GARRE1: variants seen among roughly 807,000 people sequenced by gnomAD.
GARRE1 encodes granule associated Rac and RHOG effector protein 1.
Under a neutral mutation model 103.2 loss-of-function variants are expected in GARRE1, and 49 were observed. That is an observed-to-expected ratio of 0.47 (90% CI 0.38 to 0.60). GARRE1 has a LOEUF of 0.60. GARRE1 is among the 20% of genes least tolerant of loss of function. The probability of loss-of-function intolerance (pLI) is 0.00; values close to 1 mark genes in which losing one functional copy is unlikely to be tolerated. For synonymous variants in GARRE1, 505 were observed against 532.8 expected, an observed-to-expected ratio of 0.95 and a Z score of 0.72; for missense variants, 1,199 against 1,370.5, an observed-to-expected ratio of 0.87 and a Z score of 1.98.
At chr19:34,344,340 C>T (rs1309254484) in intron 10 of GARRE1, among the ~76,000 whole-genome samples, 7 of 152,250 alleles carry the variant, frequency 4.6e-5, no homozygotes, top group East Asian at 1.9e-4. Context: ...CCTGTAATCC[C>T]AGCACTTTGG....
At chr19:34,338,353 TAGCG>T (rs976462742) in intron 8 of GARRE1, among the ~76,000 whole-genome samples, 4 of 152,052 alleles carry the variant, frequency 2.6e-5, no homozygotes, top group Non-Finnish European at 5.9e-5. Context: ...CTGGGCAACA[TAGCG>T]AGACCCCATC....
At chr19:34,321,492 T>C (rs2074088665) in intron 3 of GARRE1, among the ~76,000 whole-genome samples, 2 of 151,816 alleles carry the variant, frequency 1.3e-5, no homozygotes, top group South Asian at 4.2e-4. Context: ...TCTCACTCTG[T>C]CGCCCAGGCT....
intron 1 of GARRE1, among the ~76,000 whole-genome samples, chr19:34,286,963 T>G (rs2073890655): frequency 1.3e-5 from 2 of 151,806 alleles, no homozygotes; most frequent in Admixed American, 1.3e-4. Context: ...CTGGGGAACT[T>G]GTTAAAAAAG....
At chr19:34,256,751 T>C (rs1369931184) in intron 1 of GARRE1, among the ~76,000 whole-genome samples, 3 of 152,192 alleles carry the variant, frequency 2.0e-5, no homozygotes, top group African/African-American at 7.2e-5. Flanking sequence ...CATATTTACA[T>C]TTTGTGTGTG....
intron 10 of GARRE1, 121 bp downstream of exon 10, chr19:34,342,576 G>A (rs1420181245): frequency 5.5e-6 from 5 of 910,288 alleles, no homozygotes; most frequent in Admixed American, 5.2e-5. Context: ...CCCCCTTTAC[G>A]ACCCTTTCTC....
chr19:34,255,865 A>G (rs1429092825), intron 1 of GARRE1, among the ~76,000 whole-genome samples: 1 of 151,382 alleles, frequency 6.6e-6, no homozygotes, highest in Non-Finnish European at 1.5e-5. Flanking sequence ...TTTTTTTGAG[A>G]CAGTCTCCCT....
intron 1 of GARRE1, among the ~76,000 whole-genome samples, chr19:34,260,907 G>A (rs118043513): frequency 0.015 from 2,232 of 152,298 alleles, 25 homozygotes; most frequent in South Asian, 0.026. Flanking sequence ...GTGTTTCTGG[G>A]AGAGGATTGG....
intron 2 of GARRE1, among the ~76,000 whole-genome samples, chr19:34,311,336 G>T (rs1459923406): frequency 6.6e-6 from 1 of 152,182 alleles, no homozygotes; most frequent in Non-Finnish European, 1.5e-5. Flanking sequence ...GGTGTAACTA[G>T]AAGTACTGCA....
chr19:34,341,262 C>T, intron 9 of GARRE1, 160 bp from the exon 10 acceptor site: 1 of 631,158 alleles, frequency 1.6e-6, no homozygotes, highest in South Asian at 2.2e-5. Flanking sequence ...TTCATACTCT[C>T]CAAACCCCTG....
intron 2 of GARRE1, among the ~76,000 whole-genome samples, chr19:34,307,136 G>T (rs1309343170): frequency 6.6e-6 from 1 of 152,152 alleles, no homozygotes; most frequent in Non-Finnish European, 1.5e-5. Context: ...AGAAGCAGGG[G>T]TGAGGTCAGA....
intron 2 of GARRE1, among the ~76,000 whole-genome samples, chr19:34,305,776 T>C (rs916750470): frequency 5.9e-5 from 9 of 152,198 alleles, no homozygotes; most frequent in East Asian, 1.9e-4. Flanking sequence ...GAAATACTTA[T>C]TGTTGTAGTT....
chr19:34,283,833 T>TC (rs1392814585), intron 1 of GARRE1, among the ~76,000 whole-genome samples: 24 of 145,014 alleles, frequency 1.7e-4, no homozygotes, highest in Admixed American at 2.7e-4. Context: ...TTTCTTTCTT[T>TC]TTTTTTTTTT....
At position 34,263,265 on chromosome 19, in the gene GARRE1, GAGATAGAT is replaced by G. The variant is rs147778168; in HGVS notation, c.-796+8681_-796+8688del. ...AATAATGTCTCCCTCTCTCGATAGA[GAGATAGAT>G]AGATAGATAGATAGATAGATAGATA... On this transcript the variant is annotated intron_variant, in intron 1 of 13. Coordinates refer to ENST00000299505, the MANE Select transcript of GARRE1 (RefSeq NM_014686.5). Among the ~76,000 whole-genome samples, 899 of 149,606 alleles carry G rather than the reference GAGATAGAT, an allele frequency of 6.0e-3. 5 individuals carry two copies. Among genetic ancestry groups the G allele is most frequent in the South Asian group, 0.021 (98 of 4,740 alleles).
At chr19:34,283,830 CTTTTTTT>C (rs11335136) in intron 1 of GARRE1, among the ~76,000 whole-genome samples, 3 of 117,258 alleles carry the variant, frequency 2.6e-5, no homozygotes, top group African/African-American at 7.2e-5. Context: ...TTCTTTCTTT[CTTTTTTT>C]TTTTTTTTTT....
chr19:34,327,912 C>T (rs952847606), intron 5 of GARRE1, 46 bp downstream of exon 5: 7 of 1,612,980 alleles, frequency 4.3e-6, no homozygotes, highest in East Asian at 2.2e-5. Flanking sequence ...GGCGCTGCTC[C>T]TGCAGTCTAG....
At chr19:34,351,635 CACAGCTGCAGTTTTCA>C (rs1410048821) in intron 13 of GARRE1, 43 bp downstream of exon 13, 1 of 1,414,858 alleles carries the variant, frequency 7.1e-7, no homozygotes, top group Non-Finnish European at 1.0e-6. Context: ...GGCTAGCTTC[CACAGCTGCAGTTTTCA>C]GAGGGCCTCA....
intron 2 of GARRE1, among the ~76,000 whole-genome samples, chr19:34,309,215 C>A (rs530828064): frequency 8.9e-4 from 136 of 152,176 alleles, no homozygotes; most frequent in African/African-American, 2.6e-3. Flanking sequence ...GTGGCATATC[C>A]TGTAATAAGT....
At chr19:34,272,013 A>T (rs1225088677) in intron 1 of GARRE1, among the ~76,000 whole-genome samples, 1 of 152,122 alleles carries the variant, frequency 6.6e-6, no homozygotes, top group African/African-American at 2.4e-5. Context: ...TTAGGATATA[A>T]TAATAATAGG....
At position 34,342,062 on chromosome 19, in the gene GARRE1, C is replaced by T; in HGVS notation, c.2128C>T (p.Pro710Ser). The T allele has an allele frequency of 6.2e-7, 1 of 1,614,158 alleles. No individual in the cohort carries two copies. Among genetic ancestry groups the T allele is most frequent in the Non-Finnish European group, 8.5e-7 (1 of 1,180,030 alleles). Residue 710 changes from proline (P) to serine (S), a missense_variant, in exon 10 of 14, where the codon CCT becomes TCT. Pro to Ser is a moderately conservative substitution (Grantham distance 74). Transcript: ENST00000299505. ...PRAPQAGAHT[P>S]LTPQPGLAPQ... ...GGCACCCCAGGCTGGGGCACACACACCTCTGACACCCCAGCCGGGACTGGC... is the reference window on the plus strand; with the variant it reads ...GGCACCCCAGGCTGGGGCACACACATCTCTGACACCCCAGCCGGGACTGGC...
Sources: allele counts gnomAD v4.1 joint callset (sites outside exome capture counted in the v4.1 genomes callset), GRCh38; gene constraint gnomAD v4.1.1; transcripts MANE v1.5; gene names NCBI Gene and HGNC (gene_info 2026-07-23, HGNC 2026-07-21).